The following PRR14 variants were observed in gnomAD, a reference collection of about 807,000 sequenced individuals.
PRR14 encodes the protein proline-rich protein 14.
A neutral mutation model predicts 57.2 loss-of-function variants in PRR14; 33 were observed. That is an observed-to-expected ratio of 0.58 (90% CI 0.44 to 0.77). The LOEUF (loss-of-function observed/expected upper bound fraction) is 0.77, where lower values mean the gene tolerates loss of function less well. PRR14 is among the 30% of genes least tolerant of loss of function. PRR14 has a pLI of 0.00. For synonymous variants in PRR14, 303 were observed against 314.7 expected (o/e 0.96, Z 0.39); for missense variants, 716 against 788.1 (o/e 0.91, Z 1.10).
chr16:30,655,432 G>A lies in PRR14; in HGVS notation c.1314+12G>A. 1 of 1,614,152 alleles carries A rather than the reference G, an allele frequency of 6.2e-7. No individual in the cohort carries two copies. Among genetic ancestry groups the A allele is most frequent in the Non-Finnish European group, 8.5e-7 (1 of 1,179,996 alleles). On this transcript the variant is annotated intron_variant, in intron 9 of 11. Transcript: ENST00000300835. This position sits in a 1 kb window ranked among gnomAD's most constrained non-coding sequence, Gnocchi z 4.6. ...AACCTGAGACCAAGGTAGGCATTCA[G>A]ATCGGGTAGAAGAGACTAGTGGGGG...
At position 30,655,645 on chromosome 16, in the gene PRR14, A is replaced by C. The variant is rs771108052; in HGVS notation, c.1406+52A>C. 7.2e-5 allele frequency: 109 copies of C among 1,523,750 alleles called. No individual in the cohort carries two copies. Among genetic ancestry groups the C allele is most frequent in the Non-Finnish European group, 9.5e-5 (104 of 1,099,756 alleles). 94.4% of individuals were successfully genotyped at this position (1,523,750 alleles called of 1,614,324 possible). On this transcript the variant is annotated intron_variant, in intron 10 of 11. Coordinates refer to ENST00000300835, the MANE Select transcript of PRR14 (RefSeq NM_024031.5). The surrounding 1 kb of genome is among the most constrained non-coding windows in gnomAD (Gnocchi z 4.6). Reference sequence around the variant, plus strand: ...ATCTTGGCCAAACAGATGCAGGCTTATGTCCCCTGAAGTATAGCTTTGTCT... The same window carrying C: ...ATCTTGGCCAAACAGATGCAGGCTTCTGTCCCCTGAAGTATAGCTTTGTCT...
Position 30,651,852 on chromosome 16 carries a change from C to T in PRR14, c.80C>T (p.Ala27Val), listed in dbSNP as rs757340060. Residue 27 changes from alanine (A) to valine (V), a missense_variant, in exon 3 of 12, where the codon GCC (alanine) becomes GTC (valine). Physicochemically the swap from Ala to Val is moderately conservative, Grantham distance 64. Coordinates refer to ENST00000300835, the MANE Select transcript of PRR14 (RefSeq NM_024031.5). The surrounding 1 kb of genome is among the most constrained non-coding windows in gnomAD (Gnocchi z 5.0). ...CCTCTGACTCGAGCATTATGGGGAGCCAGGAGCCCGAAACGGCCGAGGCTG... is the reference window on the plus strand; with the variant it reads ...CCTCTGACTCGAGCATTATGGGGAGTCAGGAGCCCGAAACGGCCGAGGCTG... ...RQPLTRALWG[A>V]RSPKRPRLQL... The T allele has an allele frequency of 1.9e-6, 3 of 1,606,686 alleles. No homozygotes were observed. Among genetic ancestry groups the T allele is most frequent in the Non-Finnish European group, 1.7e-6 (2 of 1,178,568 alleles).
At position 30,654,784 on chromosome 16, in the gene PRR14, C is replaced by CCGG; in HGVS notation, c.814_815insCGG (p.Gln272delinsProGlu). 1 of 1,595,340 alleles carries CCGG rather than the reference C, an allele frequency of 6.3e-7. No individual in the cohort carries two copies. Among genetic ancestry groups the CCGG allele is most frequent in the Non-Finnish European group, 8.6e-7 (1 of 1,165,282 alleles). On this transcript the variant is annotated protein_altering_variant, in exon 8 of 12. Transcript: ENST00000300835. ...CTTCCTCACGCCCAACAAAACCCCA[C>CCGG]AGCCCCCACCCCCGTCCCCCCCAAT... is the stretch of plus-strand genomic sequence containing the variant.
In PRR14 at chr16:30,651,252, C is replaced by T. The variant is rs745731765; in HGVS notation, c.-51+125C>T. 18 of 327,826 alleles carry T rather than the reference C, an allele frequency of 5.5e-5. No individual in the cohort carries two copies. Among genetic ancestry groups the T allele is most frequent in the Non-Finnish European group, 9.2e-5 (15 of 162,714 alleles). 20.3% of individuals were successfully genotyped at this position (327,826 alleles called of 1,614,324 possible). ...GAGAGGAGGAGGATCGCAGAGGGAT[C>T]CAGCGGAAATAGCCTCCCAGGACCG... On this transcript the variant is annotated intron_variant, in intron 1 of 11. Transcript: ENST00000300835. This position sits in a 1 kb window ranked among gnomAD's most constrained non-coding sequence, Gnocchi z 5.0.
In PRR14 at chr16:30,652,706, C is replaced by G; in HGVS notation, c.193-15C>G. ...CATTCTATCACCTTGCTCTTGACAC[C>G]TCTTTCTCTTCCAGGTCCCCGTGGT... On this transcript the variant is annotated splice_polypyrimidine_tract_variant and intron_variant, in intron 3 of 11. Transcript: ENST00000300835. 1.9e-6 allele frequency: 3 copies of G among 1,614,172 alleles called. No homozygotes were observed. The highest frequency in any genetic ancestry group is 2.5e-6 in the Non-Finnish European group (3 of 1,180,028).
At position 30,651,786 on chromosome 16, in the gene PRR14, C is replaced by G; in HGVS notation, c.24-10C>G. 6.2e-7 allele frequency: 1 copy of G among 1,607,124 alleles called. No homozygotes were observed. The highest frequency in any genetic ancestry group is 8.5e-7 in the Non-Finnish European group (1 of 1,179,858). On this transcript the variant is annotated splice_polypyrimidine_tract_variant and intron_variant, in intron 2 of 11. Transcript: ENST00000300835. This position sits in a 1 kb window ranked among gnomAD's most constrained non-coding sequence, Gnocchi z 5.0. ...TCGGGCGACCGTCCTCTGCTTCTTT[C>G]ACCCTCCAGCCCGCCTGGCCAGCCG...
intron 3 of PRR14, 24 bp from the exon 4 acceptor site, chr16:30,652,691 CCTTGCT>C: frequency 6.2e-7 from 1 of 1,614,110 alleles, no homozygotes; most frequent in Non-Finnish European, 8.5e-7. Flanking sequence ...CATTCTATCA[CCTTGCT>C]CTTGACACCT....
At chr16:30,652,012 C>T (rs751747855) in intron 3 of PRR14, 48 bp downstream of exon 3, 1 of 1,507,540 alleles carries the variant, frequency 6.6e-7, no homozygotes. Flanking sequence ...TGACTTTCCT[C>T]ACTACCAAAC....
chr16:30,652,589 C>T (rs1370641810), intron 3 of PRR14, 132 bp from the exon 4 acceptor site: 4 of 1,157,280 alleles, frequency 3.5e-6, no homozygotes, highest in Non-Finnish European at 5.1e-6. Context: ...CATCTCTTCT[C>T]TTGGGATCCG....
At position 30,651,624 on chromosome 16, in the gene PRR14, C is replaced by A; in HGVS notation, c.-22C>A. ...GCAGCCTGGGATTCCCCAGGGACCCCCCCGGAGCCGCCGCGTCTCCCATGG... is the reference window on the plus strand; with the variant it reads ...GCAGCCTGGGATTCCCCAGGGACCCACCCGGAGCCGCCGCGTCTCCCATGG... On this transcript the variant is annotated 5_prime_UTR_variant, in exon 2 of 12. Coordinates refer to ENST00000300835, the MANE Select transcript of PRR14 (RefSeq NM_024031.5). This position sits in a 1 kb window ranked among gnomAD's most constrained non-coding sequence, Gnocchi z 5.0. 1 of 1,590,150 alleles carries A rather than the reference C, an allele frequency of 6.3e-7. No individual in the cohort carries two copies.
rs1204051009 is a variant in PRR14 at position 30,655,940 on chromosome 16, G to A, written c.1478+1G>A. ...ATTACCAATCACCCACAACCAGGAG[G>A]TGAGACACTTGGAAGGCTAGAGGGT... On this transcript the variant is annotated splice_donor_variant, in intron 11 of 11. Transcript: ENST00000300835. LOFTEE classifies it high-confidence loss of function. This position sits in a 1 kb window ranked among gnomAD's most constrained non-coding sequence, Gnocchi z 4.6. 1 of 1,613,966 alleles carries A rather than the reference G, an allele frequency of 6.2e-7. No individual in the cohort carries two copies. Among genetic ancestry groups the A allele is most frequent in the African/African-American group, 1.3e-5 (1 of 74,920 alleles).
chr16:30,656,400 C>T lies in PRR14; in HGVS notation c.*89C>T, dbSNP rs543459455. 50 of 1,251,810 alleles carry T rather than the reference C, an allele frequency of 4.0e-5. No homozygotes were observed. The South Asian group carries it at 5.9e-4, about 15-fold the overall frequency. The allele number at this position is 1,251,810 out of a possible 1,614,324, so 77.5% of individuals were successfully genotyped here. A position where few individuals can be genotyped will look rare whatever the true frequency, so the allele number is the denominator to read the frequency against. ...TTCTCTATATTTCTAGTAAAGTTTT[C>T]GATATGTTTCTGATTCTTTTGTATC... On this transcript the variant is annotated 3_prime_UTR_variant, in exon 12 of 12. Coordinates refer to ENST00000300835, the MANE Select transcript of PRR14 (RefSeq NM_024031.5).
At chr16:30,653,662 G>A (rs1445440264) in intron 6 of PRR14, among the ~76,000 whole-genome samples, 3 of 152,154 alleles carry the variant, frequency 2.0e-5, no homozygotes, top group African/African-American at 7.2e-5. Flanking sequence ...AAAACGTTTT[G>A]TTTATTTATT....
rs1360719778 is a variant in PRR14 at position 30,655,158 on chromosome 16, C to T, written c.1188C>T (p.Leu396=). 6.2e-7 allele frequency: 1 copy of T among 1,606,758 alleles called. No homozygotes were observed. Among genetic ancestry groups the T allele is most frequent in the Non-Finnish European group, 8.5e-7 (1 of 1,176,816 alleles). ...PLGGVGASPS[L]TTSCSSTAST... The stretch of plus-strand genomic sequence containing the variant: ...GAGGAGTGGGAGCCTCCCCTTCTCT[C>T]ACCACATCTTGCTCGTCCACGGCAT... Residue 396 remains leucine, a synonymous_variant, in exon 8 of 12, where the codon CTC becomes CTT. Transcript: ENST00000300835. This position sits in a 1 kb window ranked among gnomAD's most constrained non-coding sequence, Gnocchi z 4.6.
At position 30,651,912 on chromosome 16, in the gene PRR14, C is replaced by T. The variant is rs199717072; in HGVS notation, c.140C>T (p.Ala47Val). 1,125 of 1,589,912 alleles carry T rather than the reference C, an allele frequency of 7.1e-4. 9 individuals carry two copies. Among genetic ancestry groups the T allele is most frequent in the Non-Finnish European group, 2.6e-4 (304 of 1,168,548 alleles). ...LPGAPSPLEK[A>V]SRRVLAVVLE... ...GGGGCCCCTTCTCCCCTGGAAAAGG[C>T]CTCTCGGCGGGTCCTGGCCGTGGTG... The change falls in exon 3 of 12, where the codon GCC (alanine) becomes GTC (valine). Residue 47 changes from alanine to valine, a missense_variant. Coordinates refer to ENST00000300835, the MANE Select transcript of PRR14 (RefSeq NM_024031.5). The surrounding 1 kb of genome is among the most constrained non-coding windows in gnomAD (Gnocchi z 5.0).
chr16:30,652,150 TGC>T (rs949721525), intron 3 of PRR14, 186 bp downstream of exon 3: 11 of 680,314 alleles, frequency 1.6e-5, no homozygotes, highest in Non-Finnish European at 2.7e-5. Context: ...AATTGGGCAG[TGC>T]CCATTCCACC....
At chr16:30,653,922 C>T (rs1003283848) in intron 6 of PRR14, among the ~76,000 whole-genome samples, 13 of 152,168 alleles carry the variant, frequency 8.5e-5, no homozygotes, top group African/African-American at 3.1e-4. Context: ...CCTCGGCCTC[C>T]CAAAGTGCTG....
Position 30,655,623 on chromosome 16 carries a change from T to C in PRR14, c.1406+30T>C. On this transcript the variant is annotated intron_variant, in intron 10 of 11. Transcript: ENST00000300835. The surrounding 1 kb of genome is among the most constrained non-coding windows in gnomAD (Gnocchi z 4.6). ...GGGGCTCACTGGGCATTGAGCCATC[T>C]TGGCCAAACAGATGCAGGCTTATGT... 6.3e-7 allele frequency: 1 copy of C among 1,595,334 alleles called. No homozygotes were observed. The highest frequency in any genetic ancestry group is 8.6e-7 in the Non-Finnish European group (1 of 1,163,328).
In PRR14 at chr16:30,651,376, G is replaced by C; in HGVS notation, c.-50-220G>C. The C allele has an allele frequency of 2.1e-6, 1 of 468,834 alleles. No individual in the cohort carries two copies. The highest frequency in any genetic ancestry group is 3.8e-5 in the Admixed American group (1 of 26,132). 29.0% of individuals were successfully genotyped at this position (468,834 alleles called of 1,614,324 possible). A position where few individuals can be genotyped will look rare whatever the true frequency, so the allele number is the denominator to read the frequency against. ...GGAGAACTGGGGCCGCTGCATTCTG[G>C]GTTCTGGCGGCAGGTGCCAGGCAGG... On this transcript the variant is annotated intron_variant, in intron 1 of 11. Coordinates refer to ENST00000300835, the MANE Select transcript of PRR14 (RefSeq NM_024031.5). This position sits in a 1 kb window ranked among gnomAD's most constrained non-coding sequence, Gnocchi z 5.0.
Sources: gnomAD v4.1 joint callset for allele counts (sites outside exome capture counted in the v4.1 genomes callset) on GRCh38, gnomAD v4.1.1 for gene constraint, Gnocchi (gnomAD v3.1) non-coding constraint, MANE v1.5 for transcripts, NCBI Gene and HGNC (gene_info 2026-07-23, HGNC 2026-07-21) for gene names.